MGMT: variants seen among roughly 807,000 people sequenced by gnomAD.
The protein encoded by MGMT is O-6-methylguanine-DNA methyltransferase.
Under a neutral mutation model 15.9 loss-of-function variants are expected in MGMT, and 14 were observed. That is an observed-to-expected ratio of 0.88 (90% CI 0.58 to 1.37). The LOEUF (loss-of-function observed/expected upper bound fraction) is 1.37, where lower values mean the gene tolerates loss of function less well. Among genes scored for constraint, MGMT ranks in the 40% most tolerant of loss-of-function variants. MGMT has a pLI of 0.00. For synonymous variants in MGMT, 130 were observed against 118.2 expected (o/e 1.10, Z -0.65); for missense variants, 282 against 268.1 (o/e 1.05, Z -0.36).
intron 4 of MGMT, among the ~76,000 whole-genome samples, chr10:129,765,820 TGA>T (rs1021849313): frequency 9.2e-5 from 14 of 152,196 alleles, no homozygotes; most frequent in African/African-American, 3.1e-4. Context: ...CTTGTGGGTG[TGA>T]GAGTGGAGGA....
chr10:129,628,159 CG>C (rs1847171516), intron 2 of MGMT, among the ~76,000 whole-genome samples: 1 of 152,130 alleles, frequency 6.6e-6, no homozygotes, highest in Admixed American at 6.5e-5. Context: ...TGTTTTCTAC[CG>C]AAGATGCTTT....
chr10:129,567,577 C>T (rs919754542), intron 2 of MGMT, among the ~76,000 whole-genome samples: 1 of 152,064 alleles, frequency 6.6e-6, no homozygotes, highest in Admixed American at 6.5e-5. Flanking sequence ...AGGGAAGTAG[C>T]AACCTTATTC....
At chr10:129,709,365 T>G (rs988251160) in intron 3 of MGMT, among the ~76,000 whole-genome samples, 3 of 152,224 alleles carry the variant, frequency 2.0e-5, no homozygotes, top group Non-Finnish European at 4.4e-5. Context: ...ACTGTGCACC[T>G]GATGGGCCGG....
chr10:129,585,263 G>A (rs1846605367), intron 2 of MGMT, among the ~76,000 whole-genome samples: 1 of 152,136 alleles, frequency 6.6e-6, no homozygotes, highest in Admixed American at 6.5e-5. Flanking sequence ...CTGGTTGATG[G>A]GATTCACAAT....
At chr10:129,538,317 G>T (rs1401684834) in intron 2 of MGMT, among the ~76,000 whole-genome samples, 1 of 152,112 alleles carries the variant, frequency 6.6e-6, no homozygotes, top group Non-Finnish European at 1.5e-5. Flanking sequence ...GTGAATTTTT[G>T]TTTCCATTTC....
At chr10:129,733,280 G>T (rs932291104) in intron 3 of MGMT, among the ~76,000 whole-genome samples, 11 of 150,978 alleles carry the variant, frequency 7.3e-5, no homozygotes, top group African/African-American at 2.4e-4. Flanking sequence ...TCTCATTGTG[G>T]TTTGGATTTG....
chr10:129,564,534 TCCTCCACTTCCTCATCTTCC>T (rs1317577042), intron 2 of MGMT, among the ~76,000 whole-genome samples: 2 of 75,686 alleles, frequency 2.6e-5, no homozygotes, highest in Non-Finnish European at 5.1e-5. Flanking sequence ...CTCATTTTCC[TCCTCCACTTCCTCATCTTCC>T]TCTTCTTCCT....
intron 3 of MGMT, among the ~76,000 whole-genome samples, chr10:129,740,738 C>T (rs1328668207): frequency 1.3e-5 from 2 of 152,126 alleles, no homozygotes; most frequent in Non-Finnish European, 2.9e-5. Flanking sequence ...CTGCAGGCCC[C>T]CAGGGCGACC....
At chr10:129,644,499 G>C (rs184786805) in intron 2 of MGMT, among the ~76,000 whole-genome samples, 4 of 152,282 alleles carry the variant, frequency 2.6e-5, no homozygotes, top group African/African-American at 9.6e-5. Flanking sequence ...GAGAGGACTC[G>C]ATTGAAGGGG....
intron 1 of MGMT, among the ~76,000 whole-genome samples, chr10:129,495,693 C>G (rs1285521837): frequency 6.6e-6 from 1 of 152,204 alleles, no homozygotes; most frequent in Admixed American, 6.5e-5. Context: ...GACATGCCTT[C>G]CTGTCAAACG....
Position 129,768,354 on chromosome 10 carries a change from G to C in MGMT, c.*1357G>C, listed in dbSNP as rs530522147. On this transcript the variant is annotated 3_prime_UTR_variant, in exon 5 of 5. Transcript: ENST00000651593. ...CTCTTACCCCGTTGTCTTAACTCTT[G>C]GTATTTTTGAAGCAGGATAAGTCAC... Among the ~76,000 whole-genome samples, 6 of 152,356 alleles carry C rather than the reference G, an allele frequency of 3.9e-5. No homozygotes were observed. The South Asian group carries it at 1.0e-3, about 26-fold the overall frequency.
chr10:129,730,666 C>G (rs1174888647), intron 3 of MGMT, among the ~76,000 whole-genome samples: 1 of 152,216 alleles, frequency 6.6e-6, no homozygotes, highest in Non-Finnish European at 1.5e-5. Context: ...GCGCTGAGGT[C>G]CATGTGCTTG....
intron 4 of MGMT, among the ~76,000 whole-genome samples, chr10:129,762,947 A>C (rs1589981764): frequency 6.6e-6 from 1 of 152,094 alleles, no homozygotes; most frequent in Non-Finnish European, 1.5e-5. Flanking sequence ...GCTGCGAGTG[A>C]AAACAAGCTC....
intron 2 of MGMT, among the ~76,000 whole-genome samples, chr10:129,593,991 T>C (rs964185515): frequency 4.6e-5 from 7 of 152,164 alleles, no homozygotes; most frequent in Admixed American, 2.0e-4. Context: ...TGATCCACAT[T>C]ATATCAGTGT....
At chr10:129,593,203 G>A (rs1846710149) in intron 2 of MGMT, among the ~76,000 whole-genome samples, 1 of 152,130 alleles carries the variant, frequency 6.6e-6, no homozygotes, top group Non-Finnish European at 1.5e-5. Flanking sequence ...ATGTTATCCG[G>A]ACAGGAGATT....
At chr10:129,639,999 A>T (rs932193861) in intron 2 of MGMT, among the ~76,000 whole-genome samples, 6 of 151,384 alleles carry the variant, frequency 4.0e-5, no homozygotes, top group Admixed American at 2.6e-4. Flanking sequence ...TTATGATGAG[A>T]GGGGCCATTG....
intron 3 of MGMT, among the ~76,000 whole-genome samples, chr10:129,746,004 A>G (rs1848690599): frequency 6.6e-6 from 1 of 152,082 alleles, no homozygotes; most frequent in Admixed American, 6.5e-5. Context: ...TGGGAGGCCA[A>G]GGGGGCGGAT....
chr10:129,617,081 A>G (rs895380401), intron 2 of MGMT, among the ~76,000 whole-genome samples: 2 of 152,164 alleles, frequency 1.3e-5, no homozygotes, highest in Non-Finnish European at 2.9e-5. Context: ...TGATAAGCAC[A>G]TGATAAGCAT....
intron 3 of MGMT, among the ~76,000 whole-genome samples, chr10:129,737,772 A>C (rs1382750669): frequency 6.6e-6 from 1 of 152,190 alleles, no homozygotes; most frequent in Non-Finnish European, 1.5e-5. Context: ...TCCTTCTAAC[A>C]TACAGGACCC....
Sources: allele counts gnomAD v4.1 joint callset (sites outside exome capture counted in the v4.1 genomes callset), GRCh38; gene constraint gnomAD v4.1.1; transcripts MANE v1.5; gene names NCBI Gene and HGNC (gene_info 2026-07-23, HGNC 2026-07-21).